The following KCNC2 variants were observed in gnomAD, a reference collection of about 807,000 sequenced individuals.
The protein encoded by KCNC2 is potassium voltage-gated channel subfamily C member 2.
A neutral mutation model predicts 44.5 loss-of-function variants in KCNC2; 21 were observed. The ratio of observed to expected loss-of-function variants is 0.47; its 90% CI spans 0.33 to 0.68. KCNC2 has a LOEUF of 0.68. Among genes scored for constraint, KCNC2 ranks in the 30% least tolerant of loss-of-function variants. KCNC2 has a pLI of 0.01. For synonymous variants in KCNC2, 391 were observed against 339.1 expected (o/e 1.15, Z -1.68); for missense variants, 589 against 826.2 (o/e 0.71, Z 3.52).
chr12:75,137,918 A>G (rs1209468260), intron 2 of KCNC2, among the ~76,000 whole-genome samples: 3 of 152,192 alleles, frequency 2.0e-5, no homozygotes, highest in East Asian at 1.9e-4. Context: ...CAAAATGAAC[A>G]TACAGCATTG....
chr12:75,203,435 G>A (rs998492503), intron 2 of KCNC2, among the ~76,000 whole-genome samples: 1 of 151,704 alleles, frequency 6.6e-6, no homozygotes, highest in Non-Finnish European at 1.5e-5. Flanking sequence ...AAAAATGATA[G>A]ATTCGCTATC....
intron 2 of KCNC2, among the ~76,000 whole-genome samples, chr12:75,184,798 C>T (rs1565674175): frequency 6.6e-6 from 1 of 152,102 alleles, no homozygotes; most frequent in Non-Finnish European, 1.5e-5. Context: ...GACTGAAGAG[C>T]CACTTATGTA....
At chr12:75,073,917 A>G (rs963445211) in intron 2 of KCNC2, among the ~76,000 whole-genome samples, 1 of 152,176 alleles carries the variant, frequency 6.6e-6, no homozygotes, top group Non-Finnish European at 1.5e-5. Flanking sequence ...TTCTCCCTAA[A>G]TATGCTGGAA....
intron 2 of KCNC2, among the ~76,000 whole-genome samples, chr12:75,172,310 A>G (rs1282129521): frequency 6.6e-6 from 1 of 151,814 alleles, no homozygotes; most frequent in Admixed American, 6.6e-5. Flanking sequence ...AAGGACACTC[A>G]CTGGGGCATG....
At chr12:75,147,229 G>A (rs1283157939) in intron 2 of KCNC2, among the ~76,000 whole-genome samples, 2 of 152,004 alleles carry the variant, frequency 1.3e-5, no homozygotes, top group Non-Finnish European at 2.9e-5. Flanking sequence ...TGTGTGCAAG[G>A]TATTTACAGA....
At chr12:75,122,957 T>A (rs1888147837) in intron 2 of KCNC2, among the ~76,000 whole-genome samples, 1 of 152,108 alleles carries the variant, frequency 6.6e-6, no homozygotes, top group African/African-American at 2.4e-5. Flanking sequence ...TTTATATTGT[T>A]TAAATTGAGT....
intron 2 of KCNC2, among the ~76,000 whole-genome samples, chr12:75,102,299 A>G (rs181952813): frequency 2.6e-4 from 39 of 152,254 alleles, no homozygotes; most frequent in African/African-American, 9.1e-4. Flanking sequence ...AGAGAGAATC[A>G]TGTTGAGTAA....
intron 2 of KCNC2, among the ~76,000 whole-genome samples, chr12:75,078,026 T>C (rs1884155322): frequency 6.6e-6 from 1 of 152,206 alleles, no homozygotes; most frequent in African/African-American, 2.4e-5. Flanking sequence ...GGATATATTC[T>C]TTTGTCATTT....
chr12:75,112,048 A>T (rs1887297636), intron 2 of KCNC2, among the ~76,000 whole-genome samples: 1 of 151,976 alleles, frequency 6.6e-6, no homozygotes, highest in Non-Finnish European at 1.5e-5. Flanking sequence ...TGTATCTGTA[A>T]ATAATTTTTA....
intron 2 of KCNC2, among the ~76,000 whole-genome samples, chr12:75,193,889 C>A (rs2030528791): frequency 1.3e-5 from 2 of 151,994 alleles, no homozygotes; most frequent in Non-Finnish European, 1.5e-5. Flanking sequence ...GTATAAAATG[C>A]AACAACCAAG....
In KCNC2 at chr12:75,097,849, G is replaced by A. The variant is rs116251897; in HGVS notation, c.688-46532C>T. 4.5e-3 allele frequency among the ~76,000 whole-genome samples: 688 copies of A among 152,134 alleles called. 4 individuals carry two copies. The highest frequency in any genetic ancestry group is 0.016 in the African/African-American group (660 of 41,532). The stretch of plus-strand genomic sequence containing the variant: ...CATTTATGAAATAGAGACAGTGTTC[G>A]TAAATACATCCCTATGTTTGTTTTT... On this transcript the variant is annotated intron_variant, in intron 2 of 4. Coordinates refer to ENST00000549446, the MANE Select transcript of KCNC2 (RefSeq NM_139137.4).
At chr12:75,111,239 C>T (rs1887212871) in intron 2 of KCNC2, among the ~76,000 whole-genome samples, 1 of 152,028 alleles carries the variant, frequency 6.6e-6, no homozygotes, top group African/African-American at 2.4e-5. Flanking sequence ...TATTCTTCAC[C>T]CTCCCTTCAT....
intron 2 of KCNC2, among the ~76,000 whole-genome samples, chr12:75,197,884 C>T (rs1221735390): frequency 6.6e-6 from 1 of 151,672 alleles, no homozygotes; most frequent in African/African-American, 2.4e-5. Flanking sequence ...ACAAACATTA[C>T]TAAGAAATCA....
chr12:75,113,107 T>G lies in KCNC2; in HGVS notation c.688-61790A>C, dbSNP rs576638918. The stretch of plus-strand genomic sequence containing the variant: ...AACATAATTCAGAAGACATCAAAAG[T>G]GAGAAGCATCTTGTAGGCTAGAAAC... On this transcript the variant is annotated intron_variant, in intron 2 of 4. Transcript: ENST00000549446. Among the ~76,000 whole-genome samples, 15 of 152,252 alleles carry G rather than the reference T, an allele frequency of 9.9e-5. No homozygotes were observed. The East Asian group carries it at 2.7e-3, about 27-fold the overall frequency.
intron 2 of KCNC2, among the ~76,000 whole-genome samples, chr12:75,131,135 T>G (rs1473399883): frequency 1.3e-5 from 2 of 152,026 alleles, no homozygotes; most frequent in Non-Finnish European, 2.9e-5. Flanking sequence ...TCAGCGAAAA[T>G]GCCTTAACTA....
At chr12:75,130,432 T>TAACAC (rs1213101613) in intron 2 of KCNC2, among the ~76,000 whole-genome samples, 5 of 152,112 alleles carry the variant, frequency 3.3e-5, no homozygotes, top group African/African-American at 1.2e-4. Flanking sequence ...CTAAACTACA[T>TAACAC]AACACAACAC....
At chr12:75,129,383 A>T (rs752829726) in intron 2 of KCNC2, among the ~76,000 whole-genome samples, 15 of 152,164 alleles carry the variant, frequency 9.9e-5, no homozygotes, top group Non-Finnish European at 7.4e-5. Flanking sequence ...AATGGCTTTT[A>T]TTGAGCTCGT....
intron 2 of KCNC2, among the ~76,000 whole-genome samples, chr12:75,101,602 CT>C (rs1886378556): frequency 6.6e-6 from 1 of 152,040 alleles, no homozygotes; most frequent in African/African-American, 2.4e-5. Flanking sequence ...ATCACTTTTT[CT>C]TTCTAAGAGC....
intron 2 of KCNC2, among the ~76,000 whole-genome samples, chr12:75,100,469 G>A (rs1424945156): frequency 6.6e-6 from 1 of 151,956 alleles, no homozygotes; most frequent in African/African-American, 2.4e-5. Flanking sequence ...GATGACAAAT[G>A]AAAAGGAAGA....
Sources: gnomAD v4.1 joint callset for allele counts (sites outside exome capture counted in the v4.1 genomes callset) on GRCh38, gnomAD v4.1.1 for gene constraint, MANE v1.5 for transcripts, NCBI Gene and HGNC (gene_info 2026-07-23, HGNC 2026-07-21) for gene names.